The following CRY2 variants were observed in gnomAD, a reference collection of about 807,000 sequenced individuals.
CRY2 encodes cryptochrome-2.
In CRY2, 31 loss-of-function variants were observed where a neutral mutation model predicts 69.5. That is an observed-to-expected ratio of 0.45 (90% confidence interval 0.34 to 0.60). The LOEUF is 0.60. CRY2 is among the 20% of genes least tolerant of loss of function. CRY2 has a pLI of 0.02. For synonymous variants in CRY2, 303 were observed against 312.2 expected, an observed-to-expected ratio of 0.97 and a Z score of 0.31; for missense variants, 606 against 797.8, an observed-to-expected ratio of 0.76 and a Z score of 2.90.
chr11:45,880,320 C>A (rs1455383537), intron 11 of CRY2, among the ~76,000 whole-genome samples: 1 of 152,176 alleles, frequency 6.6e-6, no homozygotes, highest in East Asian at 1.9e-4. Flanking sequence ...GCTGTTTCTT[C>A]TCTTTGCCCC....
At chr11:45,871,387 C>T (rs1427526115) in intron 10 of CRY2, among the ~76,000 whole-genome samples, 1 of 152,128 alleles carries the variant, frequency 6.6e-6, no homozygotes, top group East Asian at 1.9e-4. Context: ...GGACAAGATA[C>T]AGCATGAGCA....
In CRY2 at chr11:45,878,849, G is replaced by A. The variant is rs11038701; in HGVS notation, c.*3-2065G>A. ...CAGGAGAATTGCTTGAACCCAGGAG[G>A]CAGAAGTTGCAGTGAGCCAAGATCG... On this transcript the variant is annotated intron_variant, in intron 11 of 11. Coordinates refer to ENST00000616080, the MANE Select transcript of CRY2 (RefSeq NM_021117.5). Among the ~76,000 whole-genome samples, 3 of 149,306 alleles carry A rather than the reference G, an allele frequency of 2.0e-5. 1 individual carries two copies. The highest frequency in any genetic ancestry group is 7.5e-5 in the African/African-American group (3 of 40,138).
chr11:45,859,841 A>C (rs1342525186), intron 3 of CRY2, among the ~76,000 whole-genome samples: 3 of 151,522 alleles, frequency 2.0e-5, no homozygotes, highest in Admixed American at 6.6e-5. Context: ...CCCACTTCCC[A>C]ACCCAGTGCT....
intron 1 of CRY2, among the ~76,000 whole-genome samples, chr11:45,855,770 C>T (rs1267863773): frequency 5.9e-5 from 9 of 152,224 alleles, no homozygotes; most frequent in Non-Finnish European, 1.0e-4. Flanking sequence ...TAAAGTCACA[C>T]AGCTAGTAAG....
At chr11:45,847,241 C>T (rs371917932), upstream of CRY2, 16 of 1,551,252 alleles carry the variant, frequency 1.0e-5, no homozygotes, top group Non-Finnish European at 1.4e-5. Context: ...GCCTGCGTCA[C>T]TTGTCCGCAT....
rs149508225 is a variant in CRY2 at position 45,878,461 on chromosome 11, A to G, written c.*3-2453A>G. On this transcript the variant is annotated intron_variant, in intron 11 of 11. Coordinates refer to ENST00000616080, the MANE Select transcript of CRY2 (RefSeq NM_021117.5). ...GAATAGCCATCTCTTTAGTTTAACAACAGGGGCCAGAGAGAGCCCTGTGTG... is the reference window on the plus strand; with the variant it reads ...GAATAGCCATCTCTTTAGTTTAACAGCAGGGGCCAGAGAGAGCCCTGTGTG... Among the ~76,000 whole-genome samples, 508 of 152,358 alleles carry G rather than the reference A, an allele frequency of 3.3e-3. 5 individuals are homozygous for G. Among genetic ancestry groups the G allele is most frequent in the African/African-American group, 0.012 (499 of 41,584 alleles).
intron 4 of CRY2, chr11:45,861,632 G>A: frequency 5.4e-6 from 1 of 185,960 alleles, no homozygotes. Context: ...AGTAGAGACG[G>A]GGTTTCACCA....
At chr11:45,880,606 C>T (rs1673056275) in intron 11 of CRY2, among the ~76,000 whole-genome samples, 1 of 152,164 alleles carries the variant, frequency 6.6e-6, no homozygotes, top group South Asian at 2.1e-4. Flanking sequence ...AGCAAGTATC[C>T]CCCAGGGCTT....
At chr11:45,864,710 A>C (rs2086315600) in intron 5 of CRY2, among the ~76,000 whole-genome samples, 1 of 152,136 alleles carries the variant, frequency 6.6e-6, no homozygotes, top group Non-Finnish European at 1.5e-5. Flanking sequence ...TCTACTAAAA[A>C]TACAAAAACT....
chr11:45,847,332 A>C, upstream of CRY2: 1 of 1,590,542 alleles, frequency 6.3e-7, no homozygotes, highest in South Asian at 1.1e-5. Flanking sequence ...GCCAATCGCC[A>C]GGTGGAAGGC....
At chr11:45,873,436 C>G (rs562740328) in intron 11 of CRY2, among the ~76,000 whole-genome samples, 1 of 152,298 alleles carries the variant, frequency 6.6e-6, no homozygotes, top group Non-Finnish European at 1.5e-5. Context: ...CCTGGGAGTA[C>G]CAGCAACCTA....
chr11:45,856,688 C>T (rs865866887), intron 2 of CRY2, among the ~76,000 whole-genome samples: 6 of 151,870 alleles, frequency 4.0e-5, no homozygotes, highest in African/African-American at 9.7e-5. Flanking sequence ...CCCAGCTACT[C>T]GAGAGGCTGA....
Position 45,847,485 on chromosome 11 carries a change from A to G in CRY2, c.-6A>G, listed in dbSNP as rs996772211. 28 of 1,600,788 alleles carry G rather than the reference A, an allele frequency of 1.7e-5. No homozygotes were observed. Among genetic ancestry groups the G allele is most frequent in the Non-Finnish European group, 2.3e-5 (27 of 1,177,316 alleles). On this transcript the variant is annotated 5_prime_UTR_variant, in exon 1 of 12. Transcript: ENST00000616080. Reference sequence around the variant, plus strand: ...AGCGGGGGTGGCTGGAGCAGTCTGGACAGTCATGGCGGCGACTGTGGCGAC... The same window carrying G: ...AGCGGGGGTGGCTGGAGCAGTCTGGGCAGTCATGGCGGCGACTGTGGCGAC...
chr11:45,877,586 C>T (rs1319201939), intron 11 of CRY2, among the ~76,000 whole-genome samples: 1 of 152,226 alleles, frequency 6.6e-6, no homozygotes, highest in African/African-American at 2.4e-5. Context: ...TTTGTTCTAG[C>T]CGCCACTGTG....
Position 45,870,854 on chromosome 11 carries a change from CTG to C in CRY2, c.1564_1565del (p.Val522ProfsTer50). On this transcript the variant is annotated frameshift_variant, in exon 10 of 12. Coordinates refer to ENST00000616080, the MANE Select transcript of CRY2 (RefSeq NM_021117.5). LOFTEE classifies it high-confidence loss of function. ...GCCTCTCTCCCAGGTCTACTGGCAT[CTG>C]TCCCTTCCTGTGTGGAAGACCTCAG... 6.2e-7 allele frequency: 1 copy of C among 1,613,660 alleles called. No individual in the cohort carries two copies. The highest frequency in any genetic ancestry group is 8.5e-7 in the Non-Finnish European group (1 of 1,179,940).
intron 11 of CRY2, among the ~76,000 whole-genome samples, chr11:45,880,276 C>T (rs1029307253): frequency 6.6e-6 from 1 of 152,202 alleles, no homozygotes; most frequent in African/African-American, 2.4e-5. Context: ...TTGTGACAGG[C>T]GCACTCTGTC....
At chr11:45,872,359 C>T (rs1373620325) in intron 11 of CRY2, 126 bp downstream of exon 11, 2 of 847,880 alleles carry the variant, frequency 2.4e-6, no homozygotes, top group Non-Finnish European at 3.7e-6. Flanking sequence ...ACCCAATGCT[C>T]AGCCACTAAA....
chr11:45,856,560 G>T (rs1052137355), intron 2 of CRY2, among the ~76,000 whole-genome samples: 6 of 152,212 alleles, frequency 3.9e-5, no homozygotes, highest in African/African-American at 1.4e-4. Flanking sequence ...ACTTTGGGAG[G>T]CCGAGGCAGG....
At chr11:45,860,444 C>T (rs2086278591) in intron 3 of CRY2, among the ~76,000 whole-genome samples, 1 of 149,292 alleles carries the variant, frequency 6.7e-6, no homozygotes, top group African/African-American at 2.5e-5. Context: ...TTCTCCAGGG[C>T]TTACATGGGT....
Sources: allele counts gnomAD v4.1 joint callset (sites outside exome capture counted in the v4.1 genomes callset), GRCh38; gene constraint gnomAD v4.1.1; transcripts MANE v1.5; gene names NCBI Gene and HGNC (gene_info 2026-07-23, HGNC 2026-07-21).